PPP6R3: variants seen among roughly 807,000 people sequenced by gnomAD.
PPP6R3 encodes the protein protein phosphatase 6 regulatory subunit 3.
In PPP6R3, 38 loss-of-function variants were observed where a neutral mutation model predicts 110.7. That is an observed-to-expected ratio of 0.34 (90% CI 0.26 to 0.45). The LOEUF is 0.45. Ranked by LOEUF, PPP6R3 falls within the 20% of genes least tolerant of loss-of-function variation. The pLI is 1.00. For synonymous variants in PPP6R3, 369 were observed against 373.5 expected (o/e 0.99, Z 0.14); for missense variants, 870 against 1,062.4 (o/e 0.82, Z 2.52).
intron 1 of PPP6R3, among the ~76,000 whole-genome samples, chr11:68,478,097 C>T (rs564680006): frequency 6.6e-6 from 1 of 152,030 alleles, no homozygotes; most frequent in South Asian, 2.1e-4. Flanking sequence ...TTACAGGCAC[C>T]CGCCACCATG....
intron 16 of PPP6R3, among the ~76,000 whole-genome samples, chr11:68,589,825 A>G (rs919123134): frequency 3.9e-5 from 6 of 152,280 alleles, no homozygotes; most frequent in African/African-American, 1.4e-4. Context: ...GTATGGGCAC[A>G]GTGGAATGGA....
At chr11:68,610,070 G>C in intron 23 of PPP6R3, 47 bp downstream of exon 23, 1 of 1,600,414 alleles carries the variant, frequency 6.2e-7, no homozygotes, top group African/African-American at 1.3e-5. Flanking sequence ...CCCTGACCTT[G>C]CCTGTTGCTT....
chr11:68,561,624 A>G (rs2099421447), intron 8 of PPP6R3, among the ~76,000 whole-genome samples: 1 of 152,258 alleles, frequency 6.6e-6, no homozygotes, highest in African/African-American at 2.4e-5. Context: ...AAATCTTCAC[A>G]TCAACAGACA....
intron 7 of PPP6R3, among the ~76,000 whole-genome samples, chr11:68,557,350 C>T (rs556090925): frequency 2.0e-5 from 3 of 152,148 alleles, no homozygotes; most frequent in African/African-American, 7.2e-5. Context: ...AAGAGATTCT[C>T]TCCTATTTCC....
In PPP6R3 at chr11:68,614,663, T is replaced by TGGA; in HGVS notation, c.*1548_*1550dup. 1 of 1,520,148 alleles carries TGGA rather than the reference T, an allele frequency of 6.6e-7. No individual in the cohort carries two copies. Among genetic ancestry groups the TGGA allele is most frequent in the Non-Finnish European group, 8.8e-7 (1 of 1,139,096 alleles). 94.2% of individuals were successfully genotyped at this position (1,520,148 alleles called of 1,614,324 possible). ...GGAGATTCCAGCACTCCCAGGACAG[T>TGGA]GGAGTCAGCAGTAAGCCCTGGGACA... On this transcript the variant is annotated 3_prime_UTR_variant, in exon 24 of 24. Transcript: ENST00000393800.
In PPP6R3 at chr11:68,614,846, A is replaced by G. The variant is rs1944933480; in HGVS notation, c.*1729A>G. On this transcript the variant is annotated 3_prime_UTR_variant, in exon 24 of 24. Transcript: ENST00000393800. ...GCTTGCCTCAGGGCTGCCTGACTTG[A>G]ATGGCGTTGGACCTCGGGGATTACT... 8.5e-7 allele frequency: 1 copy of G among 1,171,122 alleles called. No individual in the cohort carries two copies. Among genetic ancestry groups the G allele is most frequent in the Non-Finnish European group, 1.2e-6 (1 of 809,768 alleles). 72.5% of individuals were successfully genotyped at this position (1,171,122 alleles called of 1,614,324 possible). A position where few individuals can be genotyped will look rare whatever the true frequency, so the allele number is the denominator to read the frequency against.
intron 15 of PPP6R3, chr11:68,587,272 T>G (rs1250692560): frequency 6.6e-6 from 1 of 152,078 alleles, no homozygotes; most frequent in African/African-American, 2.4e-5. Context: ...CTGTGGGTCT[T>G]CTAGTGTTAG....
chr11:68,536,092 CAG>C (rs2099269271), intron 2 of PPP6R3, among the ~76,000 whole-genome samples: 2 of 152,110 alleles, frequency 1.3e-5, no homozygotes, highest in African/African-American at 4.8e-5. Flanking sequence ...AACCATGGTA[CAG>C]AGTTTGTTTT....
At chr11:68,481,655 T>C (rs1366865298) in intron 1 of PPP6R3, among the ~76,000 whole-genome samples, 11 of 152,230 alleles carry the variant, frequency 7.2e-5, no homozygotes, top group Non-Finnish European at 1.5e-5. Context: ...GAGTCCATTC[T>C]CTGTTTACCA....
At chr11:68,549,174 A>G (rs1330943902) in intron 5 of PPP6R3, among the ~76,000 whole-genome samples, 2 of 152,194 alleles carry the variant, frequency 1.3e-5, no homozygotes, top group Non-Finnish European at 2.9e-5. Context: ...TACAGGCGTG[A>G]GCCACTGCTC....
intron 4 of PPP6R3, among the ~76,000 whole-genome samples, chr11:68,547,810 A>G (rs947436214): frequency 6.6e-6 from 1 of 152,154 alleles, no homozygotes; most frequent in African/African-American, 2.4e-5. Context: ...GAAAGTGAAT[A>G]GAAATAAAAG....
At chr11:68,599,293 GCAGTTAGAGCAGATCCA>G (rs2099623416) in intron 19 of PPP6R3, among the ~76,000 whole-genome samples, 1 of 152,376 alleles carries the variant, frequency 6.6e-6, no homozygotes, top group African/African-American at 2.4e-5. Flanking sequence ...AGCATGGTGT[GCAGTTAGAGCAGATCCA>G]CAGTGACCTG....
Position 68,609,935 on chromosome 11 carries a change from G to C in PPP6R3, c.2482G>C (p.Ala828Pro). ...EEGKLSTSQD[A>P]ACKDAEECPE... ...AGGGAAACTGTCTACCTCTCAAGAT[G>C]CTGCTTGTAAAGACGCAGAGGAGTG... is the stretch of plus-strand genomic sequence containing the variant. Residue 828 changes from alanine (A) to proline (P), a missense_variant, in exon 23 of 24, where the codon GCT becomes CCT. Physicochemically the swap from Ala to Pro is conservative, Grantham distance 27. Coordinates refer to ENST00000393800, the MANE Select transcript of PPP6R3 (RefSeq NM_001164161.2). The C allele has an allele frequency of 6.2e-7, 1 of 1,614,156 alleles. No homozygotes were observed. Among genetic ancestry groups the C allele is most frequent in the Non-Finnish European group, 8.5e-7 (1 of 1,180,016 alleles).
At chr11:68,597,433 G>A (rs2099617301) in intron 19 of PPP6R3, among the ~76,000 whole-genome samples, 2 of 152,188 alleles carry the variant, frequency 1.3e-5, no homozygotes. Context: ...GAGCCCTTGA[G>A]GATTTGACTA....
At chr11:68,498,100 G>C (rs2099028541) in intron 1 of PPP6R3, among the ~76,000 whole-genome samples, 1 of 152,086 alleles carries the variant, frequency 6.6e-6, no homozygotes, top group Non-Finnish European at 1.5e-5. Context: ...TTTGTGCTCA[G>C]TATAAACACC....
intron 22 of PPP6R3, chr11:68,609,612 G>A (rs1377630979): frequency 6.4e-7 from 1 of 1,552,016 alleles, no homozygotes; most frequent in Non-Finnish European, 8.7e-7. Context: ...GGGCTTCAGA[G>A]TGTTGAAATC....
rs766930354 is a variant in PPP6R3 at position 68,569,889 on chromosome 11, T to C, written c.1270T>C (p.Leu424=). 7.5e-6 allele frequency: 12 copies of C among 1,608,458 alleles called. No homozygotes were observed. The African/African-American group carries it at 1.5e-4, about 20-fold the overall frequency. ...DQDSTGDNLL[L]KHLFQKCQLI... is the part of the protein sequence containing the mutation. ...AGACTCCACTGGTGATAATTTGTTA[T>C]TAAAACATGTAAGCTTATTTGGTCT... Residue 424 remains leucine, a synonymous_variant, in exon 11 of 24, where the codon TTA becomes CTA. Coordinates refer to ENST00000393800, the MANE Select transcript of PPP6R3 (RefSeq NM_001164161.2).
chr11:68,509,470 A>ATTTTTTTTTTTTTTTTTTTTTCTTTTTT (rs34228704), intron 1 of PPP6R3, among the ~76,000 whole-genome samples: 1 of 116,474 alleles, frequency 8.6e-6, no homozygotes. Flanking sequence ...TTACTTCTCT[A>ATTTTTTTTTTTTTTTTTTTTTCTTTTTT]TTTTTTTTTT....
chr11:68,577,542 T>C (rs144226061), intron 14 of PPP6R3, among the ~76,000 whole-genome samples: 4 of 152,360 alleles, frequency 2.6e-5, no homozygotes, highest in Non-Finnish European at 2.9e-5. Flanking sequence ...TACCAGACTT[T>C]TAAACAATTG....
Sources: allele counts gnomAD v4.1 joint callset (sites outside exome capture counted in the v4.1 genomes callset), GRCh38; gene constraint gnomAD v4.1.1; transcripts MANE v1.5; gene names NCBI Gene and HGNC (gene_info 2026-07-23, HGNC 2026-07-21).